RBFOX1: variants seen among roughly 807,000 people sequenced by gnomAD.
The protein encoded by RBFOX1 is RNA binding protein fox-1 homolog 1.
RBFOX1 carries 8 observed loss-of-function variants against 57.7 expected under a neutral mutation model. That is an observed-to-expected ratio of 0.14 (90% CI 0.08 to 0.25). The LOEUF is 0.25. RBFOX1 is among the 10% of genes least tolerant of loss of function. The pLI, the probability that RBFOX1 is intolerant of heterozygous loss-of-function variation, is 1.00. For synonymous variants in RBFOX1, 326 were observed against 222.4 expected (o/e 1.47, Z -4.15); for missense variants, 611 against 548.5 (o/e 1.11, Z -1.14).
chr16:7,254,047 A>C (rs1176398950), intron 4 of RBFOX1, among the ~76,000 whole-genome samples: 2 of 152,100 alleles, frequency 1.3e-5, no homozygotes, highest in Non-Finnish European at 2.9e-5. Context: ...TGTTTTTGAG[A>C]GTTTACTTCA....
chr16:5,571,235 T>TA (rs1302578786), intron 2 of RBFOX1, among the ~76,000 whole-genome samples: 1 of 148,402 alleles, frequency 6.7e-6, no homozygotes, highest in Non-Finnish European at 1.5e-5. Context: ...TTTTTTTTTT[T>TA]TTTGAGATGG....
chr16:5,618,373 T>A (rs1238205086), intron 3 of RBFOX1, among the ~76,000 whole-genome samples: 1 of 152,102 alleles, frequency 6.6e-6, no homozygotes, highest in Non-Finnish European at 1.5e-5. Context: ...AGTCTCGCTC[T>A]GTCACCCAGG....
At chr16:6,250,453 C>T (rs2097600061) in intron 1 of RBFOX1, among the ~76,000 whole-genome samples, 1 of 152,108 alleles carries the variant, frequency 6.6e-6, no homozygotes, top group African/African-American at 2.4e-5. Context: ...AGAAAATGAG[C>T]AATGCTATGG....
intron 3 of RBFOX1, among the ~76,000 whole-genome samples, chr16:5,826,360 C>T (rs2056055601): frequency 6.6e-6 from 1 of 152,102 alleles, no homozygotes; most frequent in Admixed American, 6.5e-5. Flanking sequence ...CAGTAGATGT[C>T]CAGCTGTTTT....
At chr16:6,459,897 T>C (rs1470565421) in intron 2 of RBFOX1, among the ~76,000 whole-genome samples, 1 of 142,048 alleles carries the variant, frequency 7.0e-6, no homozygotes, top group Non-Finnish European at 1.5e-5. Context: ...GGCAGGAGAA[T>C]AGCTTGAACC....
chr16:6,389,001 A>G (rs2092452320), intron 2 of RBFOX1, among the ~76,000 whole-genome samples: 1 of 152,192 alleles, frequency 6.6e-6, no homozygotes, highest in Non-Finnish European at 1.5e-5. Context: ...GCTAAGCCTT[A>G]ACCCTTTTAT....
At chr16:6,774,872 T>G (rs910679717) in intron 3 of RBFOX1, among the ~76,000 whole-genome samples, 2 of 152,002 alleles carry the variant, frequency 1.3e-5, no homozygotes, top group Non-Finnish European at 2.9e-5. Flanking sequence ...CTGAGGGGCT[T>G]TTAAAATAAT....
At chr16:5,580,238 G>T (rs1465558586) in intron 2 of RBFOX1, among the ~76,000 whole-genome samples, 3 of 152,216 alleles carry the variant, frequency 2.0e-5, no homozygotes, top group African/African-American at 7.2e-5. Context: ...GGCCTGAAGA[G>T]CCAGTGAGGG....
chr16:7,117,291 T>A (rs1026243734), intron 4 of RBFOX1, among the ~76,000 whole-genome samples: 2 of 152,134 alleles, frequency 1.3e-5, no homozygotes, highest in African/African-American at 4.8e-5. Context: ...TATAAAGTTA[T>A]TTAATTAGAA....
chr16:7,349,633 T>C (rs1304375809), intron 4 of RBFOX1, among the ~76,000 whole-genome samples: 1 of 152,114 alleles, frequency 6.6e-6, no homozygotes, highest in East Asian at 1.9e-4. Context: ...CCACATCCGC[T>C]TGAGAGGCTG....
intron 2 of RBFOX1, among the ~76,000 whole-genome samples, chr16:5,583,436 A>G (rs190453138): frequency 4.7e-4 from 71 of 152,328 alleles, no homozygotes; most frequent in Admixed American, 4.4e-3. Flanking sequence ...CGTTCAAATA[A>G]GTCAAACGCC....
intron 4 of RBFOX1, among the ~76,000 whole-genome samples, chr16:7,262,728 G>A (rs1026548311): frequency 2.0e-5 from 3 of 152,230 alleles, no homozygotes; most frequent in Non-Finnish European, 1.5e-5. Context: ...CCAAGGAGAG[G>A]GCATCATGCC....
intron 4 of RBFOX1, among the ~76,000 whole-genome samples, chr16:7,464,343 G>T (rs533900945): frequency 6.6e-6 from 1 of 152,054 alleles, no homozygotes; most frequent in Non-Finnish European, 1.5e-5. Context: ...GCAGGTGAAC[G>T]CTGACTCTTT....
intron 2 of RBFOX1, among the ~76,000 whole-genome samples, chr16:6,386,369 C>G (rs902319589): frequency 6.6e-6 from 1 of 152,178 alleles, no homozygotes; most frequent in African/African-American, 2.4e-5. Context: ...TCTTTAACCA[C>G]TGAGTGTATT....
chr16:6,490,196 T>A (rs561612254), intron 2 of RBFOX1, among the ~76,000 whole-genome samples: 53 of 152,310 alleles, frequency 3.5e-4, no homozygotes, highest in Admixed American at 2.6e-3. Context: ...ACAATTTAAG[T>A]ATATTTTTAA....
intron 2 of RBFOX1, among the ~76,000 whole-genome samples, chr16:5,538,714 C>T (rs924726114): frequency 6.6e-6 from 1 of 151,600 alleles, no homozygotes; most frequent in Non-Finnish European, 1.5e-5. Flanking sequence ...CAACCTTCGC[C>T]TTCCCGGATT....
intron 3 of RBFOX1, among the ~76,000 whole-genome samples, chr16:6,931,878 G>C (rs1201191800): frequency 6.6e-6 from 1 of 152,162 alleles, no homozygotes; most frequent in Non-Finnish European, 1.5e-5. Context: ...CGTGGTATAA[G>C]GCATCACATG....
At chr16:5,877,298 C>A (rs1052364158) in intron 4 of RBFOX1, among the ~76,000 whole-genome samples, 1 of 152,180 alleles carries the variant, frequency 6.6e-6, no homozygotes, top group African/African-American at 2.4e-5. Flanking sequence ...GTCTTTTAGA[C>A]CCTGGTAACT....
intron 3 of RBFOX1, among the ~76,000 whole-genome samples, chr16:6,659,293 A>G (rs951524758): frequency 9.2e-5 from 14 of 152,054 alleles, no homozygotes; most frequent in Non-Finnish European, 1.9e-4. Context: ...GGCCTGGTGC[A>G]GCTAAACAGT....
Sources: allele counts gnomAD v4.1 joint callset (sites outside exome capture counted in the v4.1 genomes callset), GRCh38; gene constraint gnomAD v4.1.1; transcripts MANE v1.5; gene names NCBI Gene and HGNC (gene_info 2026-07-23, HGNC 2026-07-21).